Variants in OR2M4 observed in about 807,000 individuals in gnomAD.
OR2M4 encodes the protein olfactory receptor 2M4.
A neutral mutation model predicts 13.7 loss-of-function variants in OR2M4; 8 were observed. The observed-to-expected ratio is 0.58, with a 90% CI of 0.34 to 1.05. The LOEUF (loss-of-function observed/expected upper bound fraction) is 1.05. Ranked by LOEUF, OR2M4 falls within the 50% of genes least tolerant of loss-of-function variation. OR2M4 has a pLI of 0.02. For missense variants in OR2M4, 374 were observed against 381.6 expected, an observed-to-expected ratio of 0.98 and a Z score of 0.17; for synonymous variants, 152 against 141.3, an observed-to-expected ratio of 1.08 and a Z score of -0.53.
At chr1:248,232,393 C>G (rs1488092831) in intron 1 of OR2M4, among the ~76,000 whole-genome samples, 1 of 152,122 alleles carries the variant, frequency 6.6e-6, no homozygotes, top group African/African-American at 2.4e-5. Context: ...CCACTTAGAT[C>G]TCTTCATAGT....
intron 1 of OR2M4, among the ~76,000 whole-genome samples, chr1:248,235,220 T>C (rs933557990): frequency 6.6e-6 from 1 of 152,172 alleles, no homozygotes; most frequent in African/African-American, 2.4e-5. Flanking sequence ...GTTTTCTGCA[T>C]ATGGCTAGCC....
chr1:248,237,433 C>T (rs1436967285), intron 1 of OR2M4, among the ~76,000 whole-genome samples: 1 of 152,036 alleles, frequency 6.6e-6, no homozygotes, highest in Non-Finnish European at 1.5e-5. Context: ...GTGGGTGGAT[C>T]ACCTGAGGTC....
At position 248,241,805 on chromosome 1, in the gene OR2M4, G is replaced by C. The variant is rs954931441; in HGVS notation, c.*1941G>C. On this transcript the variant is annotated 3_prime_UTR_variant, in exon 2 of 2. Coordinates refer to ENST00000641868, the MANE Select transcript of OR2M4 (RefSeq NM_017504.2). The stretch of plus-strand genomic sequence containing the variant: ...CTCGTGGGGCTGAGGCAGGAGAATC[G>C]CTTGAACTTGGGAAGTGGAGGTTGC... 1 of 152,180 alleles carries C rather than the reference G, an allele frequency of 6.6e-6. No homozygotes were observed. Among genetic ancestry groups the C allele is most frequent in the African/African-American group, 2.4e-5 (1 of 41,426 alleles). The allele number at this position is 152,180 out of a possible 1,614,324, so 9.4% of individuals were successfully genotyped here.
rs1404352285 is a variant in OR2M4 at position 248,241,258 on chromosome 1, A to G, written c.*1394A>G. ...TTGAGGAGAAGAAAGAGTGGAGAGG[A>G]CTTTGTCTCACATCTTGGATACCAG... On this transcript the variant is annotated 3_prime_UTR_variant, in exon 2 of 2. Coordinates refer to ENST00000641868, the MANE Select transcript of OR2M4 (RefSeq NM_017504.2). 1.3e-5 allele frequency: 2 copies of G among 152,062 alleles called. No individual in the cohort carries two copies. The highest frequency in any genetic ancestry group is 2.9e-5 in the Non-Finnish European group (2 of 68,022). 9.4% of individuals were successfully genotyped at this position (152,062 alleles called of 1,614,324 possible).
At chr1:248,237,561 G>GAAAATTGCTTGAA (rs1400109487) in intron 1 of OR2M4, among the ~76,000 whole-genome samples, 1 of 152,068 alleles carries the variant, frequency 6.6e-6, no homozygotes, top group Non-Finnish European at 1.5e-5. Context: ...GCTGAGGTGG[G>GAAAATTGCTTGAA]AAAATTGCTT....
rs1666618689 is a variant in OR2M4 at position 248,241,467 on chromosome 1, T to G, written c.*1603T>G. On this transcript the variant is annotated 3_prime_UTR_variant, in exon 2 of 2. Coordinates refer to ENST00000641868, the MANE Select transcript of OR2M4 (RefSeq NM_017504.2). ...AATTTTTGTACTCACCACAGTAATA[T>G]TCATAATTATTATTTAGATTGACAT... is the stretch of plus-strand genomic sequence containing the variant. 1 of 152,166 alleles carries G rather than the reference T, an allele frequency of 6.6e-6. No homozygotes were observed. The highest frequency in any genetic ancestry group is 6.5e-5 in the Admixed American group (1 of 15,278). The allele number at this position is 152,166 out of a possible 1,614,324, so 9.4% of individuals were successfully genotyped here.
rs754190441 is a variant in OR2M4, at chr1:248,239,817, G to A, written c.889G>A (p.Val297Met). The A allele has an allele frequency of 1.9e-6, 3 of 1,613,740 alleles. No individual in the cohort carries two copies. Among genetic ancestry groups the A allele is most frequent in the Non-Finnish European group, 1.7e-6 (2 of 1,179,938 alleles). Residue 297 changes from valine to methionine, a missense_variant, in exon 2 of 2, where the codon GTG becomes ATG. Transcript: ENST00000641868. Reference protein sequence around the residue: ...PLIYSLRNKEVFRALQKVLKK... With the variant: ...PLIYSLRNKEMFRALQKVLKK... ...CATTTATAGCCTCCGCAACAAAGAA[G>A]TGTTCAGGGCACTACAGAAGGTACT...
intron 1 of OR2M4, among the ~76,000 whole-genome samples, chr1:248,231,968 G>T (rs76481076): frequency 0.019 from 2,870 of 152,196 alleles, 85 homozygotes; most frequent in African/African-American, 0.065. Context: ...ACCTCAACAT[G>T]AATTTACAAA....
chr1:248,238,298 T>G (rs977824121), intron 1 of OR2M4, among the ~76,000 whole-genome samples: 1 of 152,146 alleles, frequency 6.6e-6, no homozygotes, highest in Non-Finnish European at 1.5e-5. Context: ...TTAATGGGGG[T>G]TTTGATTAAA....
Position 248,239,488 on chromosome 1 carries a change from T to C in OR2M4, c.560T>C (p.Leu187Pro). 1 of 1,614,130 alleles carries C rather than the reference T, an allele frequency of 6.2e-7. No homozygotes were observed. Among genetic ancestry groups the C allele is most frequent in the South Asian group, 1.1e-5 (1 of 91,076 alleles). ...TGTGATGTTGCTGCCCTTTTACCTC[T>C]ATCCTGCACAGAAACATCTGCATTT... is the stretch of plus-strand genomic sequence containing the variant. ...FFCDVAALLP[L>P]SCTETSAFER... is the part of the protein sequence containing the mutation. The change falls in exon 2 of 2, where the codon CTA becomes CCA. Residue 187 changes from leucine to proline, a missense_variant. Coordinates refer to ENST00000641868, the MANE Select transcript of OR2M4 (RefSeq NM_017504.2).
rs1351441446 is a variant in OR2M4, at chr1:248,242,790, A to G, written c.*2926A>G. The G allele has an allele frequency of 6.6e-6, 1 of 152,236 alleles. No individual in the cohort carries two copies. Among genetic ancestry groups the G allele is most frequent in the Non-Finnish European group, 1.5e-5 (1 of 68,048 alleles). The allele number at this position is 152,236 out of a possible 1,614,324, so 9.4% of individuals were successfully genotyped here. On this transcript the variant is annotated 3_prime_UTR_variant, in exon 2 of 2. Coordinates refer to ENST00000641868, the MANE Select transcript of OR2M4 (RefSeq NM_017504.2). Reference sequence around the variant, plus strand: ...ATTGAGCTTGAAATGGAAACATTTTATGATATGAATCGATAATGATTTTGT... The same window carrying G: ...ATTGAGCTTGAAATGGAAACATTTTGTGATATGAATCGATAATGATTTTGT...
intron 1 of OR2M4, among the ~76,000 whole-genome samples, chr1:248,232,762 T>C (rs1572804178): frequency 6.6e-6 from 1 of 152,160 alleles, no homozygotes; most frequent in East Asian, 1.9e-4. Context: ...TTCTTTATGT[T>C]GATACCTTCA....
At position 248,239,410 on chromosome 1, in the gene OR2M4, C is replaced by T; in HGVS notation, c.482C>T (p.Ala161Val). Residue 161 changes from alanine (A) to valine (V), a missense_variant, in exon 2 of 2, where the codon GCA becomes GTA. Ala to Val is a moderately conservative substitution (Grantham distance 64, BLOSUM62 0). Transcript: ENST00000641868. ...TCTCTTGATGGGATCATAGTGCTTG[C>T]AGCTGTCCTGTCATTTTCTTACTGC... ...LGSLDGIIVL[A>V]AVLSFSYCSS... 1 of 1,614,080 alleles carries T rather than the reference C, an allele frequency of 6.2e-7. No individual in the cohort carries two copies. Among genetic ancestry groups the T allele is most frequent in the Non-Finnish European group, 8.5e-7 (1 of 1,180,010 alleles).
At position 248,239,520 on chromosome 1, in the gene OR2M4, C is replaced by T; in HGVS notation, c.592C>T (p.Leu198=). The T allele has an allele frequency of 1.2e-6, 2 of 1,614,082 alleles. No homozygotes were observed. Among genetic ancestry groups the T allele is most frequent in the Non-Finnish European group, 1.7e-6 (2 of 1,180,000 alleles). Residue 198 remains leucine (L), a synonymous_variant, in exon 2 of 2, where the codon CTA becomes TTA. Coordinates refer to ENST00000641868, the MANE Select transcript of OR2M4 (RefSeq NM_017504.2). ...CACAGAAACATCTGCATTTGAAAGACTACTTGTCATTTGTTGTGTGGTAAT... is the reference window on the plus strand; with the variant it reads ...CACAGAAACATCTGCATTTGAAAGATTACTTGTCATTTGTTGTGTGGTAAT... ...SCTETSAFER[L]LVICCVVMLI... is the part of the protein sequence containing the mutation.
chr1:248,236,100 T>C (rs181998414), intron 1 of OR2M4, among the ~76,000 whole-genome samples: 13 of 152,218 alleles, frequency 8.5e-5, no homozygotes, highest in African/African-American at 3.1e-4. Context: ...AATATACATT[T>C]TTATCAGTGC....
intron 1 of OR2M4, among the ~76,000 whole-genome samples, chr1:248,236,772 G>A (rs939791063): frequency 1.3e-5 from 2 of 152,104 alleles, no homozygotes; most frequent in African/African-American, 2.4e-5. Context: ...TACCATCTGA[G>A]AATACTATTA....
intron 1 of OR2M4, among the ~76,000 whole-genome samples, chr1:248,235,322 A>C (rs866640933): frequency 1.3e-5 from 2 of 151,996 alleles, no homozygotes; most frequent in Non-Finnish European, 2.9e-5. Flanking sequence ...TGTAGATGTC[A>C]GGTCTTATTT....
intron 1 of OR2M4, among the ~76,000 whole-genome samples, chr1:248,232,814 AT>A (rs1341848364): frequency 1.3e-5 from 2 of 152,138 alleles, no homozygotes; most frequent in Admixed American, 6.5e-5. Flanking sequence ...AGGCATCAAT[AT>A]TTTTATATAT....
In OR2M4 at chr1:248,239,070, C is replaced by T. The variant is rs866227715; in HGVS notation, c.142C>T (p.Leu48Phe). The T allele has an allele frequency of 6.2e-7, 1 of 1,614,026 alleles. No individual in the cohort carries two copies. Among genetic ancestry groups the T allele is most frequent in the Non-Finnish European group, 8.5e-7 (1 of 1,179,978 alleles). The change falls in exon 2 of 2, where the codon CTC becomes TTC. Residue 48 changes from leucine to phenylalanine, a missense_variant. By Grantham distance (22) the Leu-to-Phe change is conservative. Coordinates refer to ENST00000641868, the MANE Select transcript of OR2M4 (RefSeq NM_017504.2). Reference sequence around the variant, plus strand: ...GATGGAAAATATTTCCATGGTTCTCCTCATCTACATAGAGAAACAGCTCCA... The same window carrying T: ...GATGGAAAATATTTCCATGGTTCTCTTCATCTACATAGAGAAACAGCTCCA... ...ALMENISMVL[L>F]IYIEKQLHTP...
Sources: gnomAD v4.1 joint callset for allele counts (sites outside exome capture counted in the v4.1 genomes callset) on GRCh38, gnomAD v4.1.1 for gene constraint, MANE v1.5 for transcripts, NCBI Gene and HGNC (gene_info 2026-07-23, HGNC 2026-07-21) for gene names.